ZNF354A: variants seen among roughly 807,000 people sequenced by gnomAD.
The protein encoded by ZNF354A is epididymis luminal protein 104.
A neutral mutation model predicts 53.3 loss-of-function variants in ZNF354A; 25 were observed. The ratio of observed to expected loss-of-function variants is 0.47; its 90% CI spans 0.34 to 0.66. The LOEUF (loss-of-function observed/expected upper bound fraction) is 0.66, where lower values mean the gene tolerates loss of function less well. Among genes scored for constraint, ZNF354A ranks in the 30% least tolerant of loss-of-function variants. The probability of loss-of-function intolerance (pLI) is 0.01; values close to 1 mark genes in which losing one functional copy is unlikely to be tolerated. For missense variants in ZNF354A, 586 were observed against 716.8 expected (o/e 0.82, Z 2.08); for synonymous variants, 228 against 249.0 (o/e 0.92, Z 0.79).
At chr5:178,727,889 T>G (rs1451771098) in intron 2 of ZNF354A, among the ~76,000 whole-genome samples, 1 of 152,098 alleles carries the variant, frequency 6.6e-6, no homozygotes, top group Non-Finnish European at 1.5e-5. Flanking sequence ...TGGCTCTTGT[T>G]GCCTAGGCTG....
chr5:178,719,008 G>C (rs1157818664), intron 4 of ZNF354A, among the ~76,000 whole-genome samples: 1 of 152,170 alleles, frequency 6.6e-6, no homozygotes, highest in African/African-American at 2.4e-5. Context: ...ATATGTCTAA[G>C]TTCAGGATCT....
intron 4 of ZNF354A, among the ~76,000 whole-genome samples, chr5:178,719,226 G>C (rs1215617233): frequency 6.6e-6 from 1 of 152,162 alleles, no homozygotes; most frequent in Non-Finnish European, 1.5e-5. Context: ...CCTAGGCATC[G>C]GTGATCCACA....
rs1467613771 is a variant in ZNF354A at position 178,727,002 on chromosome 5, G to C, written c.157C>G (p.Leu53Val). ...TCTAGAGGGAAAATTTCCTTACCCA[G>C]TGAGACCAGGTTCCTATAGTTCTCC... ...MLENYRNLVS[L>V]GLPFTKPKVI... Residue 53 changes from leucine to valine, a missense_variant, in exon 3 of 5, where the codon CTG becomes GTG. By Grantham distance (32) the Leu-to-Val change is conservative. This residue lies in a region of ZNF354A where 573 missense variants were observed against 680.1 expected (regional missense o/e 0.84). Transcript: ENST00000335815. 3 of 1,607,054 alleles carry C rather than the reference G, an allele frequency of 1.9e-6. No homozygotes were observed. Among genetic ancestry groups the C allele is most frequent in the South Asian group, 2.2e-5 (2 of 89,634 alleles).
intron 1 of ZNF354A, chr5:178,729,307 G>A: frequency 1.8e-6 from 1 of 543,760 alleles, no homozygotes; most frequent in Non-Finnish European, 3.4e-6. Context: ...GCGACCCGCT[G>A]AGCCCACCAG....
intron 4 of ZNF354A, among the ~76,000 whole-genome samples, chr5:178,724,719 C>A (rs1316033681): frequency 1.3e-5 from 2 of 152,180 alleles, no homozygotes; most frequent in Non-Finnish European, 2.9e-5. Context: ...GTCCTCCTAA[C>A]CTTTCTCTCT....
intron 2 of ZNF354A, among the ~76,000 whole-genome samples, chr5:178,728,782 CAAAAA>C (rs1157233878): frequency 3.9e-5 from 2 of 50,882 alleles, no homozygotes; most frequent in African/African-American, 1.9e-4. Context: ...AAGCGAGATT[CAAAAA>C]AAAAAAAAAA....
rs1367639577 is a variant in ZNF354A at position 178,712,506 on chromosome 5, G to A, written c.1372C>T (p.Arg458Ter). ...SSHSTLIIHE[R>*]IHTGEKPCKC... ...CATGGTTTTTCTCCAGTATGAATTCGCTCGTGAATAATAAGTGTTGAGTGG... is the reference window on the plus strand; with the variant it reads ...CATGGTTTTTCTCCAGTATGAATTCACTCGTGAATAATAAGTGTTGAGTGG... Residue 458 changes from arginine to a stop codon, truncating the protein, a stop_gained, in exon 5 of 5, where the codon CGA (arginine) becomes TGA (stop). Coordinates refer to ENST00000335815, the MANE Select transcript of ZNF354A (RefSeq NM_005649.3). LOFTEE classifies it high-confidence loss of function. 7 of 1,613,856 alleles carry A rather than the reference G, an allele frequency of 4.3e-6. No individual in the cohort carries two copies. Among genetic ancestry groups the A allele is most frequent in the Non-Finnish European group, 4.2e-6 (5 of 1,180,010 alleles).
chr5:178,712,715 C>T lies in ZNF354A; in HGVS notation c.1163G>A (p.Gly388Glu), dbSNP rs759604092. The change falls in exon 5 of 5, where the codon GGG becomes GAG. Residue 388 changes from glycine (G) to glutamate (E), a missense_variant. Transcript: ENST00000335815. ...GEKPFKCSEC[G>E]RAFSQSASLI... ...AGAGGCACTCTGGCTGAAGGCTCTC[C>T]CACATTCACTACATTTAAAAGGCTT... The T allele has an allele frequency of 1.2e-6, 2 of 1,613,630 alleles. No individual in the cohort carries two copies. Among genetic ancestry groups the T allele is most frequent in the African/African-American group, 1.3e-5 (1 of 74,984 alleles).
At chr5:178,722,949 G>A (rs112370781) in intron 4 of ZNF354A, among the ~76,000 whole-genome samples, 10,093 of 152,214 alleles carry the variant, frequency 0.066, 450 homozygotes, top group South Asian at 0.14. Context: ...TGACCGCCAC[G>A]AAGAACAGTC....
chr5:178,718,028 G>C (rs1454830931), intron 4 of ZNF354A, among the ~76,000 whole-genome samples: 1 of 152,172 alleles, frequency 6.6e-6, no homozygotes, highest in Non-Finnish European at 1.5e-5. Context: ...TTCTAAAGGA[G>C]AGTAAGCAAA....
intron 4 of ZNF354A, among the ~76,000 whole-genome samples, chr5:178,723,167 TA>T (rs1365237020): frequency 6.6e-6 from 1 of 152,182 alleles, no homozygotes; most frequent in African/African-American, 2.4e-5. Flanking sequence ...GGTTCCCATA[TA>T]AAAAAATCTC....
chr5:178,717,423 C>G (rs146531301), intron 4 of ZNF354A, among the ~76,000 whole-genome samples: 2 of 151,724 alleles, frequency 1.3e-5, no homozygotes, highest in African/African-American at 4.8e-5. Flanking sequence ...GAGAGGGAAA[C>G]AGGAAAGTTA....
At chr5:178,721,865 G>A (rs1765819098) in intron 4 of ZNF354A, among the ~76,000 whole-genome samples, 1 of 152,068 alleles carries the variant, frequency 6.6e-6, no homozygotes, top group Admixed American at 6.6e-5. Flanking sequence ...CTCCGACCTG[G>A]TCAACCCCTT....
intron 4 of ZNF354A, among the ~76,000 whole-genome samples, chr5:178,722,928 A>C (rs1196213676): frequency 6.6e-6 from 1 of 152,226 alleles, no homozygotes; most frequent in African/African-American, 2.4e-5. Context: ...TGAGCGAGCC[A>C]CATGGACGCA....
In ZNF354A at chr5:178,713,151, TA is replaced by T; in HGVS notation, c.726del (p.Phe242LeufsTer21). 1 of 1,614,150 alleles carries T rather than the reference TA, an allele frequency of 6.2e-7. No homozygotes were observed. Among genetic ancestry groups the T allele is most frequent in the Non-Finnish European group, 8.5e-7 (1 of 1,180,016 alleles). ...AAGGCTTTTGAACATTCTTTACACT[TA>T]AATAGTTTCTCTCCACTATGGTTTT... is the stretch of plus-strand genomic sequence containing the variant. ...HEKNHSGEKL[F>X]KCKECSKAFS... On this transcript the variant is annotated frameshift_variant, in exon 5 of 5. Transcript: ENST00000335815. LOFTEE classifies it high-confidence loss of function.
chr5:178,713,535 T>C lies in ZNF354A; in HGVS notation c.343A>G (p.Asn115Asp), dbSNP rs201261959. The change falls in exon 5 of 5, where the codon AAT becomes GAT. Residue 115 changes from asparagine (N) to aspartate (D), a missense_variant. Coordinates refer to ENST00000335815, the MANE Select transcript of ZNF354A (RefSeq NM_005649.3). ...QGLILKRSNR[N>D]VPWDLKLEKP... ...TCTAATTTCAAATCCCAAGGTACAT[T>C]CCTGTTGGATCTTTTCAGTATCAGT... 563 of 1,612,224 alleles carry C rather than the reference T, an allele frequency of 3.5e-4. 3 individuals carry two copies. The Middle Eastern group carries it at 4.0e-3, about 11-fold the overall frequency.
In ZNF354A at chr5:178,713,566, A is replaced by C; in HGVS notation, c.312T>G (p.Phe104Leu). 1 of 1,603,410 alleles carries C rather than the reference A, an allele frequency of 6.2e-7. No individual in the cohort carries two copies. Among genetic ancestry groups the C allele is most frequent in the Non-Finnish European group, 8.5e-7 (1 of 1,177,910 alleles). The change falls in exon 5 of 5, where the codon TTT (phenylalanine) becomes TTG (leucine). Residue 104 changes from phenylalanine (F) to leucine (L), a missense_variant. Phe to Leu is a conservative substitution (Grantham distance 22). This residue lies in a region of ZNF354A where 573 missense variants were observed against 680.1 expected (regional missense o/e 0.84). Coordinates refer to ENST00000335815, the MANE Select transcript of ZNF354A (RefSeq NM_005649.3). ...TGGATCTTTTCAGTATCAGTCCCTGAAATGAAGAGTCTTGTGTTTGCGTTG... is the reference window on the plus strand; with the variant it reads ...TGGATCTTTTCAGTATCAGTCCCTGCAATGAAGAGTCTTGTGTTTGCGTTG... ...TKSTQTQDSSFQGLILKRSNR... is the reference protein window; with the variant it reads ...TKSTQTQDSSLQGLILKRSNR...
chr5:178,715,618 T>C (rs762063388), intron 4 of ZNF354A, among the ~76,000 whole-genome samples: 55 of 152,322 alleles, frequency 3.6e-4, no homozygotes, highest in Non-Finnish European at 7.8e-4. Flanking sequence ...GCTTTTTCCC[T>C]GTGAATATCG....
At chr5:178,714,447 C>T (rs946592895) in intron 4 of ZNF354A, among the ~76,000 whole-genome samples, 2 of 152,116 alleles carry the variant, frequency 1.3e-5, no homozygotes, top group African/African-American at 4.8e-5. Context: ...ATAGCACTTA[C>T]CAGAGTATTA....
Sources: allele counts gnomAD v4.1 joint callset (sites outside exome capture counted in the v4.1 genomes callset), GRCh38; gene constraint gnomAD v4.1.1; regional missense constraint gnomAD v4.1.1; transcripts MANE v1.5; gene names NCBI Gene and HGNC (gene_info 2026-07-23, HGNC 2026-07-21).